TGM6: variants seen among roughly 807,000 people sequenced by gnomAD.
TGM6 encodes transglutaminase 6, also known as protein-glutamine gamma-glutamyltransferase 6.
TGM6 carries 74 observed loss-of-function variants against 77.5 expected under a neutral mutation model. The observed-to-expected ratio is 0.96, with a 90% CI of 0.79 to 1.16. The LOEUF is 1.16. Among genes scored for constraint, TGM6 ranks in the 50% most tolerant of loss-of-function variants. The pLI is 0.00. For synonymous variants in TGM6, 383 were observed against 378.9 expected (o/e 1.01, Z -0.12); for missense variants, 968 against 940.2 (o/e 1.03, Z -0.39).
intron 1 of TGM6, among the ~76,000 whole-genome samples, chr20:2,389,190 A>G (rs181420139): frequency 2.6e-5 from 4 of 152,296 alleles, no homozygotes; most frequent in Non-Finnish European, 2.9e-5. Flanking sequence ...ACTAAGCACC[A>G]TGCCAGGAGG....
chr20:2,389,523 C>G (rs1437690671), intron 1 of TGM6, among the ~76,000 whole-genome samples: 1 of 152,126 alleles, frequency 6.6e-6, no homozygotes, highest in African/African-American at 2.4e-5. Context: ...AGTAAAACAT[C>G]AACTTTTTTG....
At chr20:2,386,081 C>T (rs2084593373) in intron 1 of TGM6, among the ~76,000 whole-genome samples, 1 of 152,294 alleles carries the variant, frequency 6.6e-6, no homozygotes, top group South Asian at 2.1e-4. Flanking sequence ...CCCAAGTGCA[C>T]ATCTATCTCC....
intron 10 of TGM6, among the ~76,000 whole-genome samples, chr20:2,418,840 G>A (rs976417227): frequency 1.3e-5 from 2 of 152,064 alleles, no homozygotes; most frequent in Admixed American, 1.3e-4. Context: ...ATTTTGGGAG[G>A]CCAAGGCGGG....
chr20:2,392,477 G>A (rs1214662025), intron 1 of TGM6, among the ~76,000 whole-genome samples: 1 of 152,158 alleles, frequency 6.6e-6, no homozygotes, highest in Non-Finnish European at 1.5e-5. Context: ...CACCTACTTA[G>A]GTGTCACCCC....
At chr20:2,412,714 A>T (rs2084791969) in intron 9 of TGM6, among the ~76,000 whole-genome samples, 1 of 152,212 alleles carries the variant, frequency 6.6e-6, no homozygotes, top group Non-Finnish European at 1.5e-5. Context: ...TACAAAAATT[A>T]ATCAGATTTC....
Position 2,432,296 on chromosome 20 carries a change from C to T in TGM6, c.1968-194C>T, listed in dbSNP as rs543876935. Reference sequence around the variant, plus strand: ...CTCCTGACCTCAGATGATCCACCTGCCTCAGCCTCCCAGTGTGCTGGGATT... The same window carrying T: ...CTCCTGACCTCAGATGATCCACCTGTCTCAGCCTCCCAGTGTGCTGGGATT... On this transcript the variant is annotated intron_variant, in intron 12 of 12. Coordinates refer to ENST00000202625, the MANE Select transcript of TGM6 (RefSeq NM_198994.3). Among the ~76,000 whole-genome samples, 101 of 152,256 alleles carry T rather than the reference C, an allele frequency of 6.6e-4. 1 individual carries two copies. Among genetic ancestry groups the T allele is most frequent in the African/African-American group, 2.2e-3 (93 of 41,548 alleles).
intron 9 of TGM6, among the ~76,000 whole-genome samples, chr20:2,408,761 T>G (rs1227454844): frequency 2.6e-5 from 4 of 152,214 alleles, no homozygotes; most frequent in Non-Finnish European, 5.9e-5. Context: ...TATTGAGCAT[T>G]TACTGAGTGC....
intron 11 of TGM6, 68 bp from the exon 12 acceptor site, chr20:2,430,826 C>T: frequency 6.2e-7 from 1 of 1,613,236 alleles, no homozygotes; most frequent in South Asian, 1.1e-5. Context: ...TCTAACTCAG[C>T]CAGGACCATC....
At chr20:2,394,723 T>C (rs540198743) in intron 2 of TGM6, 98 bp downstream of exon 2, 5 of 1,360,038 alleles carry the variant, frequency 3.7e-6, no homozygotes, top group Non-Finnish European at 5.1e-6. Context: ...GCTCAGGCTC[T>C]GGGGGAAGCA....
intron 9 of TGM6, among the ~76,000 whole-genome samples, chr20:2,409,573 G>A (rs1483653801): frequency 6.6e-6 from 1 of 151,958 alleles, no homozygotes; most frequent in African/African-American, 2.4e-5. Context: ...TTAATTGGGT[G>A]TGGGGGCATG....
intron 9 of TGM6, among the ~76,000 whole-genome samples, chr20:2,409,460 T>C (rs1326608540): frequency 8.5e-5 from 13 of 152,170 alleles, no homozygotes; most frequent in South Asian, 6.2e-4. Context: ...GCCTATAATC[T>C]CAGCATTTTG....
intron 11 of TGM6, 32 bp downstream of exon 11, chr20:2,430,632 C>CT (rs1317422674): frequency 6.2e-7 from 1 of 1,613,214 alleles, no homozygotes; most frequent in Non-Finnish European, 8.5e-7. Flanking sequence ...CATGCTGTTC[C>CT]TAGTGGCACC....
In TGM6 at chr20:2,384,935, G is replaced by A. The variant is rs185515283; in HGVS notation, c.7+3960G>A. Among the ~76,000 whole-genome samples the A allele has an allele frequency of 5.1e-3, 754 of 147,440 alleles. 4 individuals are homozygous for A. Among genetic ancestry groups the A allele is most frequent in the African/African-American group, 0.017 (709 of 41,006 alleles). On this transcript the variant is annotated intron_variant, in intron 1 of 12. Coordinates refer to ENST00000202625, the MANE Select transcript of TGM6 (RefSeq NM_198994.3). ...TCATCCTGCATACCCCAAGGGTGAAGGCCCCCAGAGCTGAAAACAGGCTGC... is the reference window on the plus strand; with the variant it reads ...TCATCCTGCATACCCCAAGGGTGAAAGCCCCCAGAGCTGAAAACAGGCTGC...
chr20:2,391,500 G>A (rs980014355), intron 1 of TGM6, among the ~76,000 whole-genome samples: 2 of 152,028 alleles, frequency 1.3e-5, no homozygotes, highest in African/African-American at 4.8e-5. Context: ...TGAGCTGTGA[G>A]GGGGTGGGGG....
In TGM6 at chr20:2,396,599, G is replaced by C; in HGVS notation, c.518G>C (p.Arg173Pro). 3 of 1,614,172 alleles carry C rather than the reference G, an allele frequency of 1.9e-6. No individual in the cohort carries two copies. The highest frequency in any genetic ancestry group is 2.5e-6 in the Non-Finnish European group (3 of 1,180,020). The change falls in exon 4 of 13, where the codon CGA becomes CCA. Residue 173 changes from arginine to proline, a missense_variant. By Grantham distance (103) the Arg-to-Pro change is moderately radical (BLOSUM62 -2). Transcript: ENST00000202625. ...IIFRGVEKHI[R>P]AQGWNYGQFE... ...TTCCGAGGCGTGGAGAAGCACATAC[G>C]AGCCCAGGGCTGGAACTACGGGCAG... is the stretch of plus-strand genomic sequence containing the variant.
In TGM6 at chr20:2,403,504, C is replaced by A; in HGVS notation, c.1093+4C>A. The stretch of plus-strand genomic sequence containing the variant: ...ACCCCCCAGGAGGAGAGTGAAGGTA[C>A]GCTCAATTGGGTGGGGTAAGTTCCA... On this transcript the variant is annotated splice_donor_region_variant and intron_variant, in intron 8 of 12. Coordinates refer to ENST00000202625, the MANE Select transcript of TGM6 (RefSeq NM_198994.3). The A allele has an allele frequency of 6.2e-7, 1 of 1,614,102 alleles. No homozygotes were observed. Among genetic ancestry groups the A allele is most frequent in the East Asian group, 2.2e-5 (1 of 44,864 alleles).
intron 1 of TGM6, among the ~76,000 whole-genome samples, chr20:2,387,008 C>T (rs1329751450): frequency 6.6e-6 from 1 of 152,218 alleles, no homozygotes; most frequent in Non-Finnish European, 1.5e-5. Flanking sequence ...TCCCTACATA[C>T]ATTGCTTGGG....
intron 9 of TGM6, among the ~76,000 whole-genome samples, chr20:2,407,071 G>C (rs2084757488): frequency 2.0e-5 from 3 of 152,258 alleles, no homozygotes; most frequent in East Asian, 1.9e-4. Context: ...GATGTACAGA[G>C]AGGCAAGTTG....
intron 1 of TGM6, among the ~76,000 whole-genome samples, chr20:2,392,459 T>C (rs1230874603): frequency 6.6e-6 from 1 of 152,236 alleles, no homozygotes; most frequent in African/African-American, 2.4e-5. Context: ...GAATTAGTTA[T>C]GTGGACTCAC....
Sources: gnomAD v4.1 joint callset for allele counts (sites outside exome capture counted in the v4.1 genomes callset) on GRCh38, gnomAD v4.1.1 for gene constraint, MANE v1.5 for transcripts, NCBI Gene and HGNC (gene_info 2026-07-23, HGNC 2026-07-21) for gene names.